The following SLC24A3 variants were observed in gnomAD, a reference collection of about 807,000 sequenced individuals.
SLC24A3 encodes the protein sodium/potassium/calcium exchanger 3.
A neutral mutation model predicts 75.8 loss-of-function variants in SLC24A3; 28 were observed. That is an observed-to-expected ratio of 0.37 (90% confidence interval 0.27 to 0.51). SLC24A3 has a LOEUF of 0.51. Among genes scored for constraint, SLC24A3 ranks in the 20% least tolerant of loss-of-function variants. The probability of loss-of-function intolerance (pLI) is 0.94; values close to 1 mark genes in which losing one functional copy is unlikely to be tolerated. For synonymous variants in SLC24A3, 372 were observed against 334.1 expected, an observed-to-expected ratio of 1.11 and a Z score of -1.24; for missense variants, 663 against 847.8, an observed-to-expected ratio of 0.78 and a Z score of 2.71.
intron 6 of SLC24A3, among the ~76,000 whole-genome samples, chr20:19,604,584 G>A (rs2031571851): frequency 6.6e-6 from 1 of 152,174 alleles, no homozygotes; most frequent in African/African-American, 2.4e-5. Flanking sequence ...ATAAATCACA[G>A]AGAGTAGAAA....
At chr20:19,475,926 G>A (rs1987955109) in intron 2 of SLC24A3, among the ~76,000 whole-genome samples, 1 of 152,200 alleles carries the variant, frequency 6.6e-6, no homozygotes, top group Non-Finnish European at 1.5e-5. Flanking sequence ...GTAGTGTGAA[G>A]GAGATAGCCC....
At chr20:19,218,329 G>A (rs1981620361) in intron 1 of SLC24A3, among the ~76,000 whole-genome samples, 2 of 152,158 alleles carry the variant, frequency 1.3e-5, no homozygotes, top group Non-Finnish European at 2.9e-5. Flanking sequence ...TTTCTCATGG[G>A]ATAGCACTGA....
chr20:19,301,701 C>T (rs1385588132), intron 2 of SLC24A3, among the ~76,000 whole-genome samples: 1 of 152,114 alleles, frequency 6.6e-6, no homozygotes, highest in Non-Finnish European at 1.5e-5. Context: ...GCTTCTCTCT[C>T]TTCAGTTTTT....
intron 2 of SLC24A3, among the ~76,000 whole-genome samples, chr20:19,457,160 A>G (rs1356631336): frequency 6.6e-6 from 1 of 152,222 alleles, no homozygotes; most frequent in Non-Finnish European, 1.5e-5. Flanking sequence ...GGAAACCCTA[A>G]TGGCGTAATC....
At chr20:19,702,318 A>C (rs1376411273) in intron 15 of SLC24A3, among the ~76,000 whole-genome samples, 5 of 152,234 alleles carry the variant, frequency 3.3e-5, no homozygotes, top group Non-Finnish European at 7.3e-5. Context: ...ATGAAAACAA[A>C]AATTCAGGCT....
intron 6 of SLC24A3, among the ~76,000 whole-genome samples, chr20:19,633,261 G>A (rs925421509): frequency 1.3e-5 from 2 of 152,190 alleles, no homozygotes; most frequent in Admixed American, 6.5e-5. Flanking sequence ...TTCTTCCGAA[G>A]CCTTCCTCCT....
At chr20:19,353,288 A>C (rs1055730041) in intron 2 of SLC24A3, among the ~76,000 whole-genome samples, 1 of 152,232 alleles carries the variant, frequency 6.6e-6, no homozygotes, top group Non-Finnish European at 1.5e-5. Context: ...ACAAGCCCAC[A>C]GTAGATTCAA....
Position 19,392,853 on chromosome 20 carries a change from T to C in SLC24A3, c.271+111766T>C, listed in dbSNP as rs547229231. 3.9e-4 allele frequency among the ~76,000 whole-genome samples: 59 copies of C among 152,322 alleles called. No individual in the cohort carries two copies. The South Asian group carries it at 0.012, about 30-fold the overall frequency. On this transcript the variant is annotated intron_variant, in intron 2 of 16. Coordinates refer to ENST00000328041, the MANE Select transcript of SLC24A3 (RefSeq NM_020689.4). ...ACCACCACAAAGGCAGGTGATCATA[T>C]GTTTAGTTTGCTGACAGTAATTGAG...
chr20:19,557,100 T>A (rs577360181), intron 3 of SLC24A3, among the ~76,000 whole-genome samples: 77 of 152,254 alleles, frequency 5.1e-4, no homozygotes, highest in African/African-American at 1.8e-3. Context: ...GCTCATGCAC[T>A]CAGCAGGGCA....
chr20:19,571,333 G>T (rs774308950), intron 3 of SLC24A3, among the ~76,000 whole-genome samples: 3 of 152,088 alleles, frequency 2.0e-5, no homozygotes, highest in Non-Finnish European at 2.9e-5. Flanking sequence ...GTTTCAAGGG[G>T]AATCAGCAAT....
intron 2 of SLC24A3, among the ~76,000 whole-genome samples, chr20:19,392,170 C>G (rs960508267): frequency 2.0e-5 from 3 of 150,794 alleles, no homozygotes; most frequent in African/African-American, 7.3e-5. Context: ...AGATTTATAT[C>G]TTAACAGTTT....
chr20:19,565,404 G>C (rs6136777), intron 3 of SLC24A3, among the ~76,000 whole-genome samples: 9 of 76,474 alleles, frequency 1.2e-4, no homozygotes, highest in Non-Finnish European at 2.8e-4. Flanking sequence ...TTGTGTTCTC[G>C]GGGGGTGGGG....
At position 19,636,225 on chromosome 20, in the gene SLC24A3, T is replaced by C. The variant is rs377247670; in HGVS notation, c.613-17837T>C. Among the ~76,000 whole-genome samples, 9 of 152,326 alleles carry C rather than the reference T, an allele frequency of 5.9e-5. 1 individual carries two copies. The highest frequency in any genetic ancestry group is 1.9e-4 in the East Asian group (1 of 5,180). ...GAGTGATGTAACACCATTTCTGTCA[T>C]GCTCTACTGGTCAAAAAGTCACAAG... On this transcript the variant is annotated intron_variant, in intron 6 of 16. Transcript: ENST00000328041.
chr20:19,335,943 T>A lies in SLC24A3; in HGVS notation c.271+54856T>A, dbSNP rs533327683. On this transcript the variant is annotated intron_variant, in intron 2 of 16. Coordinates refer to ENST00000328041, the MANE Select transcript of SLC24A3 (RefSeq NM_020689.4). ...GCTAATCAATCACAGTGCCCTTTCA[T>A]GTGGACCCACCATATAGCCCCTGGG... Among the ~76,000 whole-genome samples, 128 of 152,358 alleles carry A rather than the reference T, an allele frequency of 8.4e-4. 1 individual carries two copies. Among genetic ancestry groups the A allele is most frequent in the African/African-American group, 3.0e-3 (123 of 41,592 alleles).
chr20:19,669,219 C>T (rs143761215), intron 8 of SLC24A3, among the ~76,000 whole-genome samples: 291 of 152,228 alleles, frequency 1.9e-3, no homozygotes, highest in African/African-American at 6.5e-3. Flanking sequence ...TAGGAAGCAT[C>T]GGCAGGTCAT....
intron 1 of SLC24A3, among the ~76,000 whole-genome samples, chr20:19,230,927 A>T (rs1458663239): frequency 2.0e-5 from 3 of 152,184 alleles, no homozygotes; most frequent in Non-Finnish European, 2.9e-5. Context: ...TTAGCTTGAA[A>T]TTTTTAGTTT....
At chr20:19,602,035 T>G (rs1350028171) in intron 6 of SLC24A3, among the ~76,000 whole-genome samples, 7 of 152,004 alleles carry the variant, frequency 4.6e-5, no homozygotes, top group Non-Finnish European at 1.0e-4. Flanking sequence ...TAGCTGGGTG[T>G]GGCTGGCGGG....
At chr20:19,502,234 T>C (rs6112418) in intron 2 of SLC24A3, among the ~76,000 whole-genome samples, 8,968 of 151,916 alleles carry the variant, frequency 0.059, 793 homozygotes, top group African/African-American at 0.2. Context: ...CAGCTGAAAA[T>C]TGGGGGAAAT....
chr20:19,256,775 A>C (rs1038655358), intron 1 of SLC24A3, among the ~76,000 whole-genome samples: 1 of 151,904 alleles, frequency 6.6e-6, no homozygotes, highest in African/African-American at 2.4e-5. Flanking sequence ...TCTCAAAAAA[A>C]AAAAAAAAAA....
Sources: gnomAD v4.1 joint callset for allele counts (sites outside exome capture counted in the v4.1 genomes callset) on GRCh38, gnomAD v4.1.1 for gene constraint, MANE v1.5 for transcripts, NCBI Gene and HGNC (gene_info 2026-07-23, HGNC 2026-07-21) for gene names.